The following SH3GL3 variants were observed in gnomAD, a reference collection of about 807,000 sequenced individuals.
The protein encoded by SH3GL3 is SH3 domain containing GRB2 like 3, endophilin A3.
Under a neutral mutation model 47.7 loss-of-function variants are expected in SH3GL3, and 33 were observed. That is an observed-to-expected ratio of 0.69 (90% CI 0.52 to 0.92). The LOEUF (loss-of-function observed/expected upper bound fraction) is 0.92, where lower values mean the gene tolerates loss of function less well. Among genes scored for constraint, SH3GL3 ranks in the 40% least tolerant of loss-of-function variants. The probability of loss-of-function intolerance (pLI) is 0.00; values close to 1 mark genes in which losing one functional copy is unlikely to be tolerated. For synonymous variants in SH3GL3, 155 were observed against 148.8 expected (o/e 1.04, Z -0.30); for missense variants, 363 against 417.8 (o/e 0.87, Z 1.14).
intron 1 of SH3GL3, among the ~76,000 whole-genome samples, chr15:83,514,263 C>G (rs1045987902): frequency 3.3e-5 from 5 of 152,180 alleles, no homozygotes; most frequent in Non-Finnish European, 4.4e-5. Flanking sequence ...AAAAACTTTT[C>G]CCACTGGCAA....
chr15:83,532,648 GA>G (rs2043731906), intron 1 of SH3GL3, among the ~76,000 whole-genome samples: 1 of 152,176 alleles, frequency 6.6e-6, no homozygotes, highest in South Asian at 2.1e-4. Context: ...GCAAGTTAAA[GA>G]AAACCTAACC....
At chr15:83,551,605 T>G (rs557046977) in intron 1 of SH3GL3, among the ~76,000 whole-genome samples, 5 of 152,232 alleles carry the variant, frequency 3.3e-5, no homozygotes, top group Non-Finnish European at 5.9e-5. Context: ...TTGACTAATC[T>G]TTCTGAAACT....
chr15:83,553,969 T>G (rs1248234278), intron 1 of SH3GL3, among the ~76,000 whole-genome samples: 2 of 152,164 alleles, frequency 1.3e-5, no homozygotes, highest in Admixed American at 1.3e-4. Flanking sequence ...AGCATCACTG[T>G]TATTTGAGTC....
At chr15:83,625,246 TG>T in the SH3GL3 span, among the ~76,000 whole-genome samples, 1 of 152,236 alleles carries the variant, frequency 6.6e-6, no homozygotes, top group Non-Finnish European at 1.5e-5. Flanking sequence ...TAAGTCAGGT[TG>T]TAATGTTTTT....
intron 2 of SH3GL3, among the ~76,000 whole-genome samples, chr15:83,559,612 C>G (rs552071137): frequency 3.3e-5 from 5 of 152,270 alleles, no homozygotes; most frequent in Admixed American, 2.6e-4. Context: ...GCAGTTACTG[C>G]AAGGCCAAAG....
intron 8 of SH3GL3, among the ~76,000 whole-genome samples, chr15:83,602,937 TG>T (rs1360084076): frequency 6.6e-6 from 1 of 152,182 alleles, no homozygotes; most frequent in Admixed American, 6.5e-5. Flanking sequence ...AGGGACCTTG[TG>T]GGTTCCTTAC....
chr15:83,505,764 A>G (rs2042476419), intron 1 of SH3GL3, among the ~76,000 whole-genome samples: 1 of 152,112 alleles, frequency 6.6e-6, no homozygotes, highest in Admixed American at 6.5e-5. Flanking sequence ...TCCTGACCTC[A>G]GGTGATCTGC....
intron 4 of SH3GL3, among the ~76,000 whole-genome samples, chr15:83,569,085 C>T (rs1272797970): frequency 6.6e-6 from 1 of 152,050 alleles, no homozygotes; most frequent in Non-Finnish European, 1.5e-5. Context: ...TAAATAGAGA[C>T]AGGGTTTCGC....
chr15:83,475,117 T>G (rs1408527220), intron 1 of SH3GL3, among the ~76,000 whole-genome samples: 1 of 151,246 alleles, frequency 6.6e-6, no homozygotes, highest in Non-Finnish European at 1.5e-5. Context: ...AAAACCTATT[T>G]TAATAAATTT....
At chr15:83,564,309 A>G (rs2045431937) in intron 2 of SH3GL3, among the ~76,000 whole-genome samples, 1 of 152,202 alleles carries the variant, frequency 6.6e-6, no homozygotes, top group African/African-American at 2.4e-5. Context: ...GGAAGAATGC[A>G]TATCTTTACA....
At chr15:83,457,249 C>T (rs1195868942) in intron 1 of SH3GL3, among the ~76,000 whole-genome samples, 1 of 152,156 alleles carries the variant, frequency 6.6e-6, no homozygotes, top group Non-Finnish European at 1.5e-5. Flanking sequence ...CATCTCTTCT[C>T]CTCCTCTCCT....
At chr15:83,484,955 A>G (rs1433073979) in intron 1 of SH3GL3, among the ~76,000 whole-genome samples, 1 of 152,198 alleles carries the variant, frequency 6.6e-6, no homozygotes, top group Non-Finnish European at 1.5e-5. Flanking sequence ...TAAATATTAA[A>G]ATGTAGATAT....
At chr15:83,600,317 T>C (rs1364657691) in intron 8 of SH3GL3, among the ~76,000 whole-genome samples, 1 of 152,230 alleles carries the variant, frequency 6.6e-6, no homozygotes, top group Non-Finnish European at 1.5e-5. Context: ...ATTTTTATAG[T>C]TTCAGGTCTT....
At chr15:83,450,820 T>C (rs2039728685) in intron 1 of SH3GL3, among the ~76,000 whole-genome samples, 1 of 141,702 alleles carries the variant, frequency 7.1e-6, no homozygotes, top group South Asian at 2.3e-4. Context: ...TTTTTTCTAT[T>C]ATACTCTAAG....
rs139155657 is a variant in SH3GL3 at position 83,470,611 on chromosome 15, A to G, written c.45+23033A>G. ...TGTCTTCCTTTTAACTGGTGCATGT[A>G]GACCACTTACATTTAATGTAATTAC... is the stretch of plus-strand genomic sequence containing the variant. On this transcript the variant is annotated intron_variant, in intron 1 of 8. Coordinates refer to ENST00000427482, the MANE Select transcript of SH3GL3 (RefSeq NM_003027.5). Among the ~76,000 whole-genome samples the G allele has an allele frequency of 5.2e-4, 79 of 152,344 alleles. No individual in the cohort carries two copies. The East Asian group carries it at 0.014, about 26-fold the overall frequency.
rs55695855 is a variant in SH3GL3 at position 83,598,009 on chromosome 15, G to A, written c.838+9238G>A. Among the ~76,000 whole-genome samples the A allele has an allele frequency of 5.0e-3, 756 of 152,302 alleles. 8 individuals carry two copies. The highest frequency in any genetic ancestry group is 0.017 in the African/African-American group (722 of 41,562). On this transcript the variant is annotated intron_variant, in intron 8 of 8. Coordinates refer to ENST00000427482, the MANE Select transcript of SH3GL3 (RefSeq NM_003027.5). Reference sequence around the variant, plus strand: ...ATGAAGTTGTTTCTCATACATTGATGATTCTTGGCTCTGTGCACAACTTTT... The same window carrying A: ...ATGAAGTTGTTTCTCATACATTGATAATTCTTGGCTCTGTGCACAACTTTT...
In SH3GL3 at chr15:83,587,036, C is replaced by T. The variant is rs748692315; in HGVS notation, c.678C>T (p.His226=). ...TCATAGAGGCAGCATTAGACTATCA[C>T]AGACAGTCCACAGAGATTCTGCAGG... is the stretch of plus-strand genomic sequence containing the variant. ...AVFIEAALDY[H]RQSTEILQEL... Residue 226 remains histidine, a synonymous_variant, in exon 7 of 9, where the codon CAC becomes CAT. Coordinates refer to ENST00000427482, the MANE Select transcript of SH3GL3 (RefSeq NM_003027.5). The T allele has an allele frequency of 6.2e-7, 1 of 1,611,334 alleles. No individual in the cohort carries two copies. The highest frequency in any genetic ancestry group is 2.2e-5 in the East Asian group (1 of 44,728).
chr15:83,481,987 A>G (rs1327117362), intron 1 of SH3GL3, among the ~76,000 whole-genome samples: 1 of 152,230 alleles, frequency 6.6e-6, no homozygotes, highest in Non-Finnish European at 1.5e-5. Context: ...ATTACTTAAC[A>G]GAAAGATGAG....
At chr15:83,588,240 C>T (rs2060002802) in intron 7 of SH3GL3, among the ~76,000 whole-genome samples, 1 of 152,212 alleles carries the variant, frequency 6.6e-6, no homozygotes, top group South Asian at 2.1e-4. Context: ...AAGAGATTCT[C>T]CTGCCTAAGC....
Sources: allele counts gnomAD v4.1 joint callset (sites outside exome capture counted in the v4.1 genomes callset), GRCh38; gene constraint gnomAD v4.1.1; transcripts MANE v1.5; gene names NCBI Gene and HGNC (gene_info 2026-07-23, HGNC 2026-07-21).